Variants in ITPK1 observed in about 807,000 individuals in gnomAD.
ITPK1 encodes the protein inositol 1,3,4-trisphosphate 5/6-kinase.
In ITPK1, 21 loss-of-function variants were observed where a neutral mutation model predicts 45.3. The observed-to-expected ratio is 0.46, with a 90% CI of 0.33 to 0.67. The LOEUF is 0.67. ITPK1 is among the 30% of genes least tolerant of loss of function. ITPK1 has a pLI of 0.02. For synonymous variants in ITPK1, 258 were observed against 253.6 expected, an observed-to-expected ratio of 1.02 and a Z score of -0.16; for missense variants, 474 against 573.5, an observed-to-expected ratio of 0.83 and a Z score of 1.77.
At chr14:93,114,625 G>A (rs1229828974) in intron 2 of ITPK1, among the ~76,000 whole-genome samples, 1 of 152,174 alleles carries the variant, frequency 6.6e-6, no homozygotes, top group Non-Finnish European at 1.5e-5. Flanking sequence ...GAGCACACGC[G>A]GGGCACATAG....
intron 3 of ITPK1, among the ~76,000 whole-genome samples, chr14:93,075,746 G>C (rs190328544): frequency 6.6e-6 from 1 of 152,190 alleles, no homozygotes; most frequent in African/African-American, 2.4e-5. Flanking sequence ...TCTAGCAGGG[G>C]CCAGCACCTC....
At chr14:93,045,407 T>C (rs778797056) in intron 3 of ITPK1, among the ~76,000 whole-genome samples, 4 of 152,222 alleles carry the variant, frequency 2.6e-5, no homozygotes, top group Non-Finnish European at 5.9e-5. Context: ...ATGCTGCCCC[T>C]GCCCCATAAC....
At chr14:92,987,312 G>C (rs1351566894) in intron 5 of ITPK1, among the ~76,000 whole-genome samples, 1 of 152,210 alleles carries the variant, frequency 6.6e-6, no homozygotes, top group Non-Finnish European at 1.5e-5. Context: ...GTGCAGGAAA[G>C]GGGACGGGGC....
chr14:93,115,256 C>T lies in ITPK1; in HGVS notation c.-93G>A. The stretch of plus-strand genomic sequence containing the variant: ...CGCGCCGCGAGCGAGTGGGCACCTC[C>T]TCCCGGCGGCGGGGACGCGGAACGG... On this transcript the variant is annotated 5_prime_UTR_variant, in exon 2 of 11. Coordinates refer to ENST00000267615, the MANE Select transcript of ITPK1 (RefSeq NM_014216.6). 1 of 786,650 alleles carries T rather than the reference C, an allele frequency of 1.3e-6. No individual in the cohort carries two copies. The highest frequency in any genetic ancestry group is 2.1e-6 in the Non-Finnish European group (1 of 484,102). 48.7% of individuals were successfully genotyped at this position (786,650 alleles called of 1,614,324 possible).
chr14:92,956,524 T>C (rs1214185015), intron 8 of ITPK1, among the ~76,000 whole-genome samples: 2 of 151,778 alleles, frequency 1.3e-5, no homozygotes, highest in African/African-American at 2.4e-5. Flanking sequence ...AGATACAGGA[T>C]AGGAGCCCAC....
At chr14:93,060,742 C>T (rs965687639) in intron 3 of ITPK1, among the ~76,000 whole-genome samples, 2 of 152,112 alleles carry the variant, frequency 1.3e-5, no homozygotes, top group Admixed American at 6.5e-5. Context: ...CCATAGGCAA[C>T]AGCAGATCTG....
chr14:92,963,896 G>A (rs1885215123), intron 5 of ITPK1, among the ~76,000 whole-genome samples: 1 of 152,200 alleles, frequency 6.6e-6, no homozygotes, highest in South Asian at 2.1e-4. Context: ...GCCAGGAAAG[G>A]CTGAGTGTGA....
intron 3 of ITPK1, among the ~76,000 whole-genome samples, chr14:93,031,487 G>A (rs1889059761): frequency 6.6e-6 from 1 of 152,218 alleles, no homozygotes; most frequent in Non-Finnish European, 1.5e-5. Flanking sequence ...ATGGAACAAG[G>A]GACTTAGGTA....
chr14:92,991,012 G>A (rs775353536), intron 5 of ITPK1, among the ~76,000 whole-genome samples: 1 of 151,330 alleles, frequency 6.6e-6, no homozygotes, highest in Non-Finnish European at 1.5e-5. Context: ...GCCGGGGCAG[G>A]GGGGGTGACA....
At chr14:92,970,721 T>C (rs1274018839) in intron 5 of ITPK1, among the ~76,000 whole-genome samples, 3 of 152,008 alleles carry the variant, frequency 2.0e-5, no homozygotes, top group African/African-American at 7.2e-5. Context: ...CTGCAAGCTC[T>C]GCCTTCCAGG....
intron 2 of ITPK1, among the ~76,000 whole-genome samples, chr14:93,106,102 G>A (rs1035391567): frequency 3.3e-5 from 5 of 152,100 alleles, no homozygotes; most frequent in Non-Finnish European, 7.4e-5. Flanking sequence ...GGCTTCCCTC[G>A]GCTCCCTTGG....
chr14:92,962,511 G>C, intron 6 of ITPK1, 116 bp from the exon 7 acceptor site: 1 of 798,710 alleles, frequency 1.3e-6, no homozygotes, highest in Non-Finnish European at 2.2e-6. Flanking sequence ...TGGACACCTG[G>C]TATCTGCACT....
chr14:93,077,855 G>C (rs1335329922), intron 2 of ITPK1, among the ~76,000 whole-genome samples: 2 of 152,142 alleles, frequency 1.3e-5, no homozygotes, highest in African/African-American at 4.8e-5. Flanking sequence ...ACTGGTGTAG[G>C]GCCACCAGGA....
At chr14:93,060,514 C>G (rs983910656) in intron 3 of ITPK1, among the ~76,000 whole-genome samples, 1 of 152,012 alleles carries the variant, frequency 6.6e-6, no homozygotes, top group Non-Finnish European at 1.5e-5. Context: ...CTGGAACAGG[C>G]GAGTATCAGC....
At chr14:93,023,170 G>A (rs938431059) in intron 3 of ITPK1, among the ~76,000 whole-genome samples, 7 of 152,180 alleles carry the variant, frequency 4.6e-5, no homozygotes, top group East Asian at 1.9e-4. Context: ...GTGAGCCACC[G>A]CACACGGCCT....
At chr14:92,989,903 C>G (rs1303371821) in intron 5 of ITPK1, among the ~76,000 whole-genome samples, 1 of 152,056 alleles carries the variant, frequency 6.6e-6, no homozygotes, top group Non-Finnish European at 1.5e-5. Flanking sequence ...TGCAAGCCTC[C>G]AGGATGCTGG....
chr14:93,066,333 T>G (rs541954839), intron 3 of ITPK1: 57,325 of 445,430 alleles, frequency 0.13, 3,987 homozygotes, highest in South Asian at 0.23. Flanking sequence ...TGTGTGTGTG[T>G]GTGTGTGTAG....
chr14:93,016,860 C>A lies in ITPK1; in HGVS notation c.121-59G>T. 1 of 1,598,876 alleles carries A rather than the reference C, an allele frequency of 6.3e-7. No homozygotes were observed. The highest frequency in any genetic ancestry group is 1.1e-5 in the South Asian group (1 of 89,072). The stretch of plus-strand genomic sequence containing the variant: ...CTTCAGCACCTGAGTCCACTGCCCC[C>A]ATCCTCTTGTCCACCCTGGGGCATA... On this transcript the variant is annotated intron_variant, in intron 3 of 10. Transcript: ENST00000267615. The surrounding 1 kb of genome is among the most constrained non-coding windows in gnomAD (Gnocchi z 5.0).
chr14:92,979,559 G>A (rs1182278185), intron 5 of ITPK1, among the ~76,000 whole-genome samples: 1 of 152,244 alleles, frequency 6.6e-6, no homozygotes, highest in Admixed American at 6.5e-5. Flanking sequence ...GATCATGGAA[G>A]CAGATTTCCC....
Sources: allele counts gnomAD v4.1 joint callset (sites outside exome capture counted in the v4.1 genomes callset), GRCh38; gene constraint gnomAD v4.1.1; non-coding constraint Gnocchi (gnomAD v3.1); transcripts MANE v1.5; gene names NCBI Gene and HGNC (gene_info 2026-07-23, HGNC 2026-07-21).